ZNF277: variants seen among roughly 807,000 people sequenced by gnomAD.
The protein encoded by ZNF277 is zinc finger protein 277.
ZNF277 carries 55 observed loss-of-function variants against 60.7 expected under a neutral mutation model. The observed-to-expected ratio is 0.91, with a 90% CI of 0.73 to 1.13. The LOEUF (loss-of-function observed/expected upper bound fraction) is 1.13. ZNF277 is among the 50% of genes most tolerant of loss of function. The probability of loss-of-function intolerance (pLI) is 0.00; values close to 1 mark genes in which losing one functional copy is unlikely to be tolerated. For missense variants in ZNF277, 510 were observed against 523.0 expected (o/e 0.98, Z 0.24); for synonymous variants, 178 against 179.3 (o/e 0.99, Z 0.06).
In ZNF277 at chr7:112,234,360, A is replaced by G. The variant is rs959658561; in HGVS notation, c.91+27553A>G. 1.3e-4 allele frequency among the ~76,000 whole-genome samples: 20 copies of G among 152,322 alleles called. No homozygotes were observed. In the South Asian group the frequency reaches 1.5e-3, roughly 11 times the overall value. ...GTAAGTCCAAGATCAAGGTATCAAC[A>G]AATTTGATGTCTGATGAGGGCATAG... is the stretch of plus-strand genomic sequence containing the variant. On this transcript the variant is annotated intron_variant, in intron 1 of 11. Coordinates refer to ENST00000361822, the MANE Select transcript of ZNF277 (RefSeq NM_021994.3).
intron 1 of ZNF277, among the ~76,000 whole-genome samples, chr7:112,275,153 C>T (rs11761807): frequency 0.13 from 19,371 of 152,098 alleles, 1,328 homozygotes; most frequent in Non-Finnish European, 0.15. Context: ...CATTTATATT[C>T]CCAAATCCCT....
chr7:112,209,063 C>G lies in ZNF277; in HGVS notation c.91+2256C>G, dbSNP rs181963594. 4.7e-4 allele frequency among the ~76,000 whole-genome samples: 72 copies of G among 152,248 alleles called. 3 individuals carry two copies. In the East Asian group the frequency reaches 0.013, roughly 27 times the overall value. On this transcript the variant is annotated intron_variant, in intron 1 of 11. Coordinates refer to ENST00000361822, the MANE Select transcript of ZNF277 (RefSeq NM_021994.3). ...CTTCTTTTTTCTTTCAGCAGTCTATCATAGAAACCCTTCCACGTCAGTACA... is the reference window on the plus strand; with the variant it reads ...CTTCTTTTTTCTTTCAGCAGTCTATGATAGAAACCCTTCCACGTCAGTACA...
intron 1 of ZNF277, among the ~76,000 whole-genome samples, chr7:112,256,083 G>A (rs904725292): frequency 6.6e-6 from 1 of 151,966 alleles, no homozygotes; most frequent in African/African-American, 2.4e-5. Context: ...CTCCTAGCTT[G>A]GTGCTTAGCA....
chr7:112,244,733 TA>T, intron 1 of ZNF277, among the ~76,000 whole-genome samples: 1 of 152,188 alleles, frequency 6.6e-6, no homozygotes, highest in South Asian at 2.1e-4. Flanking sequence ...ACCTATTGCC[TA>T]ATTTTATTAA....
chr7:112,296,912 ATTTTTTTTTT>A (rs1170078999), intron 4 of ZNF277, among the ~76,000 whole-genome samples: 8 of 39,672 alleles, frequency 2.0e-4, no homozygotes, highest in African/African-American at 3.4e-4. Flanking sequence ...TTATTTATTT[ATTTTTTTTTT>A]TTTTTTTTTT....
intron 4 of ZNF277, among the ~76,000 whole-genome samples, chr7:112,303,609 A>G (rs1347524634): frequency 2.0e-5 from 3 of 152,048 alleles, no homozygotes; most frequent in African/African-American, 7.2e-5. Context: ...AATTTTTTAA[A>G]GTCCTTCTCT....
At chr7:112,329,994 A>G in intron 6 of ZNF277, 90 bp from the exon 7 acceptor site, 1 of 1,421,204 alleles carries the variant, frequency 7.0e-7, no homozygotes, top group African/African-American at 1.4e-5. Context: ...GTAACCTAAA[A>G]TGAATAAATA....
At chr7:112,295,199 A>G (rs1326395619) in intron 2 of ZNF277, among the ~76,000 whole-genome samples, 1 of 152,182 alleles carries the variant, frequency 6.6e-6, no homozygotes, top group Non-Finnish European at 1.5e-5. Flanking sequence ...ACCACTTGTT[A>G]AATCCTGTCA....
chr7:112,243,052 T>G (rs1405440445), intron 1 of ZNF277, among the ~76,000 whole-genome samples: 1 of 151,980 alleles, frequency 6.6e-6, no homozygotes, highest in Non-Finnish European at 1.5e-5. Flanking sequence ...TTGACAAAGT[T>G]GACAAAAATA....
At chr7:112,336,073 T>C in intron 7 of ZNF277, 31 bp from the exon 8 acceptor site, 1 of 1,582,882 alleles carries the variant, frequency 6.3e-7, no homozygotes, top group Non-Finnish European at 8.6e-7. Context: ...TTTCCCCCAA[T>C]GTCTCTCATC....
chr7:112,339,774 T>A, intron 9 of ZNF277, 69 bp from the exon 10 acceptor site: 1 of 1,471,038 alleles, frequency 6.8e-7, no homozygotes, highest in African/African-American at 1.4e-5. Flanking sequence ...TGTGAATAAG[T>A]TGTTTATAAC....
intron 1 of ZNF277, among the ~76,000 whole-genome samples, chr7:112,284,795 A>G (rs941674788): frequency 2.0e-5 from 3 of 152,134 alleles, no homozygotes; most frequent in Non-Finnish European, 4.4e-5. Flanking sequence ...ACCCTCTTCT[A>G]TGGGACACCT....
chr7:112,219,836 A>G (rs1397149057), intron 1 of ZNF277, among the ~76,000 whole-genome samples: 1 of 152,116 alleles, frequency 6.6e-6, no homozygotes, highest in Non-Finnish European at 1.5e-5. Flanking sequence ...AGATCTCACT[A>G]TGTTAGCCCA....
chr7:112,301,962 T>C (rs753465277), intron 4 of ZNF277, among the ~76,000 whole-genome samples: 1 of 152,162 alleles, frequency 6.6e-6, no homozygotes, highest in Non-Finnish European at 1.5e-5. Context: ...CTATAATCAC[T>C]GCATTACACT....
intron 4 of ZNF277, among the ~76,000 whole-genome samples, chr7:112,304,711 C>G (rs542505641): frequency 6.6e-6 from 1 of 151,842 alleles, no homozygotes; most frequent in Admixed American, 6.6e-5. Context: ...ATGAAAATAC[C>G]GTCTTACTGT....
chr7:112,219,714 C>A (rs1821977131), intron 1 of ZNF277, among the ~76,000 whole-genome samples: 1 of 152,350 alleles, frequency 6.6e-6, no homozygotes, highest in South Asian at 2.1e-4. Context: ...CGGCTCACTG[C>A]AGCCTTGATC....
intron 1 of ZNF277, among the ~76,000 whole-genome samples, chr7:112,244,624 T>C (rs1791038595): frequency 6.6e-6 from 1 of 152,178 alleles, no homozygotes; most frequent in Non-Finnish European, 1.5e-5. Flanking sequence ...AAGTTAGATG[T>C]ATTTTCCCTA....
intron 1 of ZNF277, among the ~76,000 whole-genome samples, chr7:112,208,606 T>G (rs1474201597): frequency 6.6e-6 from 1 of 151,292 alleles, no homozygotes; most frequent in East Asian, 1.9e-4. Context: ...CTTTTTTTTT[T>G]TTTAATCCTA....
chr7:112,296,668 C>CT (rs1009534967), intron 4 of ZNF277, among the ~76,000 whole-genome samples: 16 of 151,392 alleles, frequency 1.1e-4, no homozygotes, highest in Admixed American at 7.9e-4. Context: ...ATTGATTAAC[C>CT]TTTTTTTCTC....
Sources: allele counts gnomAD v4.1 joint callset (sites outside exome capture counted in the v4.1 genomes callset), GRCh38; gene constraint gnomAD v4.1.1; transcripts MANE v1.5; gene names NCBI Gene and HGNC (gene_info 2026-07-23, HGNC 2026-07-21).